The following MROH1 variants were observed in gnomAD, a reference collection of about 807,000 sequenced individuals.
The protein encoded by MROH1 is maestro heat-like repeat-containing protein family member 1.
A neutral mutation model predicts 116.5 loss-of-function variants in MROH1; 117 were observed. That is an observed-to-expected ratio of 1.00 (90% CI 0.86 to 1.17). The LOEUF (loss-of-function observed/expected upper bound fraction) is 1.17. MROH1 is among the 50% of genes most tolerant of loss of function. MROH1 has a pLI of 0.00. For missense variants in MROH1, 1,873 were observed against 1,338.5 expected (o/e 1.40, Z -6.23); for synonymous variants, 921 against 583.9 (o/e 1.58, Z -8.32).
intron 11 of MROH1, among the ~76,000 whole-genome samples, chr8:144,200,048 G>A (rs990236423): frequency 1.3e-5 from 2 of 152,176 alleles, no homozygotes; most frequent in African/African-American, 4.8e-5. Flanking sequence ...CTGGGGGTCT[G>A]TGTGCTTGAC....
intron 12 of MROH1, among the ~76,000 whole-genome samples, chr8:144,206,283 A>G (rs762124446): frequency 2.0e-5 from 3 of 151,936 alleles, no homozygotes; most frequent in Non-Finnish European, 4.4e-5. Flanking sequence ...TTGTAGGAGG[A>G]CCCTTCGTGA....
At chr8:144,216,028 A>C (rs1262811190) in intron 12 of MROH1, among the ~76,000 whole-genome samples, 2 of 151,964 alleles carry the variant, frequency 1.3e-5, no homozygotes, top group Admixed American at 1.3e-4. Flanking sequence ...TCTACTAAAA[A>C]TACAAAATTA....
rs1554813778 is a variant in MROH1, at chr8:144,212,069, G to GTTTTTTT, written c.1142-8529_1142-8528insTTTTTTT. Among the ~76,000 whole-genome samples, 5 of 47,834 alleles carry GTTTTTTT rather than the reference G, an allele frequency of 1.0e-4. No homozygotes were observed. The East Asian group carries it at 2.8e-3, about 27-fold the overall frequency. The allele number at this position is 47,834 out of a possible 152,430, so 31.4% of individuals were successfully genotyped here. A position where few individuals can be genotyped will look rare whatever the true frequency, so the allele number is the denominator to read the frequency against. Reference sequence around the variant, plus strand: ...CTGGTTCCTTTTAGTGAGAAGCTGTGTTGTTTTTTTGTTTGTTTGTTTGTT... The same window carrying GTTTTTTT: ...CTGGTTCCTTTTAGTGAGAAGCTGTGTTTTTTTTTGTTTTTTTGTTTGTTTGTTTGTT... On this transcript the variant is annotated intron_variant, in intron 12 of 43. Coordinates refer to ENST00000326134, the MANE Select transcript of MROH1 (RefSeq NM_032450.3).
chr8:144,201,363 G>A (rs1831109291), intron 12 of MROH1, among the ~76,000 whole-genome samples: 1 of 152,118 alleles, frequency 6.6e-6, no homozygotes, highest in Non-Finnish European at 1.5e-5. Context: ...CCATCCTTAA[G>A]GCTAATTGAA....
At chr8:144,162,720 CTTTT>C (rs1456843089) in intron 2 of MROH1, among the ~76,000 whole-genome samples, 1 of 150,130 alleles carries the variant, frequency 6.7e-6, no homozygotes, top group African/African-American at 2.5e-5. Flanking sequence ...TTCTTTCTTT[CTTTT>C]GTTTTTTTTT....
At chr8:144,242,747 G>T in intron 24 of MROH1, 119 bp downstream of exon 24, 1 of 700,870 alleles carries the variant, frequency 1.4e-6, no homozygotes. Flanking sequence ...GGGGCTTCCT[G>T]GTCTCCGTCC....
At chr8:144,240,701 G>T in intron 20 of MROH1, 24 bp downstream of exon 20, 1 of 713,832 alleles carries the variant, frequency 1.4e-6, no homozygotes. Flanking sequence ...TGGCGTTCTT[G>T]GTGTGGTACT....
intron 12 of MROH1, chr8:144,214,126 C>T (rs1834774394): frequency 6.6e-6 from 1 of 152,266 alleles, no homozygotes; most frequent in African/African-American, 2.4e-5. Flanking sequence ...CACCAGGGAC[C>T]TCTCCTTGGC....
At chr8:144,201,478 C>T (rs1831138405) in intron 12 of MROH1, among the ~76,000 whole-genome samples, 2 of 152,330 alleles carry the variant, frequency 1.3e-5, no homozygotes, top group African/African-American at 4.8e-5. Context: ...GGCCCACCGG[C>T]CCTGCAGCCT....
intron 35 of MROH1, 89 bp downstream of exon 35, chr8:144,255,794 C>T: frequency 1.5e-6 from 1 of 673,792 alleles, no homozygotes; most frequent in South Asian, 1.6e-5. Flanking sequence ...GACGGCAGAT[C>T]TGAACCACGG....
At chr8:144,175,354 CCT>C in intron 4 of MROH1, 1 of 444,488 alleles carries the variant, frequency 2.2e-6, no homozygotes, top group Non-Finnish European at 2.9e-6. Flanking sequence ...CCCCTCCCCC[CCT>C]CCCAGCAACA....
In MROH1 at chr8:144,260,670, T is replaced by C; in HGVS notation, c.4381-7T>C. The C allele has an allele frequency of 6.4e-6, 5 of 778,628 alleles. No homozygotes were observed. The highest frequency in any genetic ancestry group is 1.2e-5 in the Non-Finnish European group (5 of 417,768). The allele number at this position is 778,628 out of a possible 1,614,324, so 48.2% of individuals were successfully genotyped here. On this transcript the variant is annotated splice_region_variant and splice_polypyrimidine_tract_variant and intron_variant, in intron 39 of 43. Transcript: ENST00000326134. ...GTGAGGAGACGTATGCTGCATGTCC[T>C]TCCCAGGAGAAGATGGAGTTCCGGA...
chr8:144,191,418 C>A (rs1463432405), intron 8 of MROH1, among the ~76,000 whole-genome samples: 1 of 152,166 alleles, frequency 6.6e-6, no homozygotes, highest in Non-Finnish European at 1.5e-5. Flanking sequence ...AGTCCCCATA[C>A]TTGTGACTTC....
rs782562334 is a variant in MROH1 at position 144,255,604 on chromosome 8, C to T, written c.3690C>T (p.Arg1230=). ...AGCTGTTTGTGGTGCTTCTGCTGCG[C>T]GTCAGCTGCACCGTGGGTGTCCAGC... ...YPQLFVVLLL[R]VSCTVGVQLP... The change falls in exon 35 of 44, where the codon CGC becomes CGT. Residue 1230 remains arginine, a synonymous_variant. Transcript: ENST00000326134. 5,467 of 778,616 alleles carry T rather than the reference C, an allele frequency of 7.0e-3. 25 individuals carry two copies. Among genetic ancestry groups the T allele is most frequent in the Non-Finnish European group, 9.9e-3 (4,122 of 417,626 alleles). The allele number at this position is 778,616 out of a possible 1,614,324, so 48.2% of individuals were successfully genotyped here. A position where few individuals can be genotyped will look rare whatever the true frequency, so the allele number is the denominator to read the frequency against.
chr8:144,256,824 G>A (rs1021593163), intron 35 of MROH1, among the ~76,000 whole-genome samples: 26 of 152,362 alleles, frequency 1.7e-4, no homozygotes, highest in African/African-American at 2.4e-4. Context: ...CACGCTTCCC[G>A]TTAGATTTGT....
At position 144,239,630 on chromosome 8, in the gene MROH1, C is replaced by G; in HGVS notation, c.1649C>G (p.Pro550Arg). 2 of 771,894 alleles carry G rather than the reference C, an allele frequency of 2.6e-6. No homozygotes were observed. The highest frequency in any genetic ancestry group is 3.5e-5 in the Admixed American group (2 of 57,788). 47.8% of individuals were successfully genotyped at this position (771,894 alleles called of 1,614,324 possible). The change falls in exon 18 of 44, where the codon CCC (proline) becomes CGC (arginine). Residue 550 changes from proline to arginine, a missense_variant. Coordinates refer to ENST00000326134, the MANE Select transcript of MROH1 (RefSeq NM_032450.3). ...TCTTTTCAGGTTGTGTCTTCCAGCC[C>G]CTACCTAGGGGACGGACGTGGGGCA... is the stretch of plus-strand genomic sequence containing the variant. The part of the protein sequence containing the change: ...TGRLLVVSSS[P>R]YLGDGRGAAA...
chr8:144,194,831 C>T (rs1829436079), intron 10 of MROH1, among the ~76,000 whole-genome samples: 1 of 151,900 alleles, frequency 6.6e-6, no homozygotes, highest in Non-Finnish European at 1.5e-5. Context: ...TCACTGGAGC[C>T]CAGGAAGTTG....
Position 144,261,326 on chromosome 8 carries a change from T to C in MROH1, c.4817T>C (p.Val1606Ala), listed in dbSNP as rs1588577108. 1 of 713,018 alleles carries C rather than the reference T, an allele frequency of 1.4e-6. No individual in the cohort carries two copies. The highest frequency in any genetic ancestry group is 3.6e-4 in the Middle Eastern group (1 of 2,764). The allele number at this position is 713,018 out of a possible 1,614,324, so 44.2% of individuals were successfully genotyped here. A position where few individuals can be genotyped will look rare whatever the true frequency, so the allele number is the denominator to read the frequency against. ...LHSEPRQQPQ[V>A]DLDQLIAALQ... ...TCGGAGCCCAGGCAGCAGCCGCAGG[T>C]GGACCTGGACCAGCTCATTGCGGGT... The change falls in exon 43 of 44, where the codon GTG becomes GCG. Residue 1606 changes from valine (V) to alanine (A), a missense_variant. Transcript: ENST00000326134.
At chr8:144,253,605 C>T (rs1316662232) in intron 33 of MROH1, among the ~76,000 whole-genome samples, 2 of 152,286 alleles carry the variant, frequency 1.3e-5, no homozygotes, top group East Asian at 1.9e-4. Context: ...CATTTGTCCA[C>T]GTTTCCTGCC....
Sources: allele counts gnomAD v4.1 joint callset (sites outside exome capture counted in the v4.1 genomes callset), GRCh38; gene constraint gnomAD v4.1.1; transcripts MANE v1.5; gene names NCBI Gene and HGNC (gene_info 2026-07-23, HGNC 2026-07-21).